The following AFG2A variants were observed in gnomAD, a reference collection of about 807,000 sequenced individuals.
The protein encoded by AFG2A is ATPase family gene 2 protein homolog A.
chr4:122,989,886 C>A, the AFG2A span, among the ~76,000 whole-genome samples: 1 of 152,106 alleles, frequency 6.6e-6, no homozygotes. Context: ...GAGACGAAAT[C>A]TCTCTTTGTT....
the AFG2A span, among the ~76,000 whole-genome samples, chr4:123,065,763 C>T: frequency 6.6e-6 from 1 of 151,808 alleles, no homozygotes; most frequent in Non-Finnish European, 1.5e-5. Context: ...GAAAATGGTG[C>T]TGAGAAATCA....
At chr4:123,193,950 T>C in the AFG2A span, among the ~76,000 whole-genome samples, 1 of 152,320 alleles carries the variant, frequency 6.6e-6, no homozygotes, top group East Asian at 1.9e-4. Context: ...AAATGAGACT[T>C]AATGACATAT....
chr4:123,266,627 T>C, the AFG2A span, among the ~76,000 whole-genome samples: 1 of 151,970 alleles, frequency 6.6e-6, no homozygotes, highest in Non-Finnish European at 1.5e-5. Context: ...TATAAACATC[T>C]GTAATCCTAT....
At chr4:123,069,626 A>T in the AFG2A span, among the ~76,000 whole-genome samples, 1 of 152,332 alleles carries the variant, frequency 6.6e-6, no homozygotes, top group East Asian at 1.9e-4. Context: ...ACAGAATCTT[A>T]CAGTATGTTG....
chr4:123,304,054 T>C, the AFG2A span, among the ~76,000 whole-genome samples: 1 of 152,104 alleles, frequency 6.6e-6, no homozygotes, highest in African/African-American at 2.4e-5. Context: ...TAAATGGTTT[T>C]CAGTGAAGTG....
the AFG2A span, among the ~76,000 whole-genome samples, chr4:123,002,288 C>G: frequency 6.6e-6 from 1 of 151,916 alleles, no homozygotes; most frequent in Non-Finnish European, 1.5e-5. Flanking sequence ...TTAATTGGAG[C>G]ATTTAGTCCA....
chr4:123,064,582 C>T, the AFG2A span, among the ~76,000 whole-genome samples: 1 of 152,138 alleles, frequency 6.6e-6, no homozygotes, highest in Non-Finnish European at 1.5e-5. Flanking sequence ...ATTAGTCAAC[C>T]TTGTCTTAGG....
chr4:123,241,323 A>C, the AFG2A span, among the ~76,000 whole-genome samples: 7 of 152,062 alleles, frequency 4.6e-5, no homozygotes, highest in African/African-American at 1.4e-4. Context: ...GGCAGAGACA[A>C]AACAAAAAAA....
At chr4:123,197,429 G>A in the AFG2A span, among the ~76,000 whole-genome samples, 1 of 152,084 alleles carries the variant, frequency 6.6e-6, no homozygotes. Context: ...TTCCTGTTAG[G>A]CTCACTGACC....
the AFG2A span, among the ~76,000 whole-genome samples, chr4:123,238,766 A>G: frequency 6.6e-6 from 1 of 152,190 alleles, no homozygotes; most frequent in Non-Finnish European, 1.5e-5. Flanking sequence ...TAAAAACCAG[A>G]GCGCCTCTTC....
chr4:123,024,719 T>A, the AFG2A span, among the ~76,000 whole-genome samples: 1 of 152,228 alleles, frequency 6.6e-6, no homozygotes, highest in Non-Finnish European at 1.5e-5. Context: ...TAGTTCAGAT[T>A]CTGGTTCAGA....
At chr4:122,955,737 A>G in the AFG2A span, among the ~76,000 whole-genome samples, 4 of 152,288 alleles carry the variant, frequency 2.6e-5, no homozygotes, top group South Asian at 6.2e-4. Flanking sequence ...CATTACCACA[A>G]TTTCTAGGTT....
chr4:122,929,432 G>T, the AFG2A span, among the ~76,000 whole-genome samples: 3 of 152,136 alleles, frequency 2.0e-5, no homozygotes, highest in Non-Finnish European at 4.4e-5. Flanking sequence ...GGTGGCTTAT[G>T]CCTGTAATCT....
the AFG2A span, among the ~76,000 whole-genome samples, chr4:123,156,328 G>A: frequency 2.6e-5 from 4 of 151,732 alleles, no homozygotes; most frequent in Admixed American, 2.0e-4. Context: ...CATGTTAAAA[G>A]ATGGGGTCTA....
the AFG2A span, among the ~76,000 whole-genome samples, chr4:123,132,973 G>T: frequency 3.3e-5 from 5 of 151,908 alleles, no homozygotes; most frequent in Non-Finnish European, 7.4e-5. Context: ...GTAGAGACGG[G>T]GTTTCACCGT....
At chr4:123,151,044 G>A in the AFG2A span, among the ~76,000 whole-genome samples, 1 of 152,202 alleles carries the variant, frequency 6.6e-6, no homozygotes, top group African/African-American at 2.4e-5. Flanking sequence ...AGTAAATGGT[G>A]TTGGAAAAAC....
At chr4:123,180,970 C>T in the AFG2A span, among the ~76,000 whole-genome samples, 1 of 145,884 alleles carries the variant, frequency 6.9e-6, no homozygotes, top group Non-Finnish European at 1.5e-5. Flanking sequence ...TCTCTTCCTC[C>T]TCCCCCTCTT....
chr4:123,262,892 G>T, the AFG2A span, among the ~76,000 whole-genome samples: 44 of 152,274 alleles, frequency 2.9e-4, 1 homozygote, highest in South Asian at 9.1e-3. Context: ...GGGATTAAAT[G>T]AGATAGATGA....
the AFG2A span, among the ~76,000 whole-genome samples, chr4:123,198,655 C>T: frequency 6.6e-6 from 1 of 152,120 alleles, no homozygotes; most frequent in Non-Finnish European, 1.5e-5. Flanking sequence ...AGGATTGGGT[C>T]CTTTAATTGA....
Sources: gnomAD v4.1 joint callset for allele counts (sites outside exome capture counted in the v4.1 genomes callset) on GRCh38, gnomAD v4.1.1 for gene constraint, MANE v1.5 for transcripts, NCBI Gene and HGNC (gene_info 2026-07-23, HGNC 2026-07-21) for gene names.